The following UTRN variants were observed in gnomAD, a reference collection of about 807,000 sequenced individuals.
UTRN encodes the protein utrophin, also known as dystrophin-related protein 1.
In UTRN, 283 loss-of-function variants were observed where a neutral mutation model predicts 463.9. The observed-to-expected ratio is 0.61, with a 90% confidence interval of 0.55 to 0.67. UTRN has a LOEUF of 0.67. UTRN is among the 30% of genes least tolerant of loss of function. The pLI is 0.00. For missense variants in UTRN, 3,922 were observed against 4,084.3 expected (o/e 0.96, Z 1.08); for synonymous variants, 1,442 against 1,431.5 (o/e 1.01, Z -0.17).
intron 50 of UTRN, among the ~76,000 whole-genome samples, chr6:144,561,251 ATATATATATACAT>A: frequency 1.0e-5 from 1 of 97,758 alleles, no homozygotes; most frequent in Non-Finnish European, 2.3e-5. Flanking sequence ...ATATATATAT[ATATATATATACAT>A]ACACACACAC....
At chr6:144,545,944 C>T (rs142769191) in intron 46 of UTRN, among the ~76,000 whole-genome samples, 108 of 152,268 alleles carry the variant, frequency 7.1e-4, no homozygotes, top group African/African-American at 2.5e-3. Context: ...CGCCTGAACC[C>T]AGGAGGTGGA....
In UTRN at chr6:144,484,047, G is replaced by A. The variant is rs113418477; in HGVS notation, c.3688-1338G>A. Among the ~76,000 whole-genome samples the A allele has an allele frequency of 7.9e-3, 1,204 of 152,270 alleles. 13 individuals are homozygous for A. Among genetic ancestry groups the A allele is most frequent in the African/African-American group, 0.027 (1,141 of 41,546 alleles). The stretch of plus-strand genomic sequence containing the variant: ...TCATTCAGTACATTCAAGACGACAA[G>A]CCCAGGAGGCATCCAGCTGAGTTCT... On this transcript the variant is annotated intron_variant, in intron 27 of 74. Coordinates refer to ENST00000367545, the MANE Select transcript of UTRN (RefSeq NM_007124.3).
intron 52 of UTRN, among the ~76,000 whole-genome samples, chr6:144,684,856 T>C: frequency 6.6e-6 from 1 of 152,282 alleles, no homozygotes; most frequent in East Asian, 1.9e-4. Context: ...ATTTTTTACT[T>C]ATTTATTTTT....
At chr6:144,302,264 A>G (rs955153531) in intron 2 of UTRN, among the ~76,000 whole-genome samples, 1 of 152,074 alleles carries the variant, frequency 6.6e-6, no homozygotes, top group Non-Finnish European at 1.5e-5. Flanking sequence ...TAATCCCAGC[A>G]CTTTGGGAGG....
chr6:144,494,344 C>T (rs996539411), intron 33 of UTRN, among the ~76,000 whole-genome samples: 2 of 151,932 alleles, frequency 1.3e-5, no homozygotes, highest in African/African-American at 2.4e-5. Flanking sequence ...CTTAAGGCAG[C>T]GCATCTGGAG....
intron 54 of UTRN, among the ~76,000 whole-genome samples, chr6:144,732,283 C>CATAT (rs1256852716): frequency 0.025 from 3,096 of 123,658 alleles, 145 homozygotes; most frequent in African/African-American, 0.09. Context: ...TATATACACA[C>CATAT]ATATATATAT....
At chr6:144,484,540 TC>T (rs1373032390) in intron 27 of UTRN, among the ~76,000 whole-genome samples, 1 of 149,068 alleles carries the variant, frequency 6.7e-6, no homozygotes, top group Non-Finnish European at 1.5e-5. Context: ...CCTCCCAGGT[TC>T]AAGTGATTCT....
At chr6:144,626,931 T>A (rs1266631679) in intron 51 of UTRN, among the ~76,000 whole-genome samples, 1 of 152,248 alleles carries the variant, frequency 6.6e-6, no homozygotes, top group Non-Finnish European at 1.5e-5. Flanking sequence ...GCGTTTGTGT[T>A]ACCTGCATGT....
chr6:144,561,087 C>G (rs1799821377), intron 50 of UTRN, among the ~76,000 whole-genome samples: 1 of 149,934 alleles, frequency 6.7e-6, no homozygotes. Context: ...TTTTCTAGTG[C>G]CAGTTGAGAT....
chr6:144,292,573 C>A (rs1179203259), intron 2 of UTRN, among the ~76,000 whole-genome samples: 2 of 152,154 alleles, frequency 1.3e-5, no homozygotes, highest in Non-Finnish European at 2.9e-5. Flanking sequence ...GATGCATTGG[C>A]TCCATTCCAG....
chr6:144,589,048 T>C lies in UTRN; in HGVS notation c.7479+11760T>C, dbSNP rs149033297. Among the ~76,000 whole-genome samples the C allele has an allele frequency of 2.7e-3, 409 of 152,360 alleles. 3 individuals carry two copies. The highest frequency in any genetic ancestry group is 9.0e-3 in the African/African-American group (376 of 41,586). ...AAGATTAATTTATAACAAAGCTCAC[T>C]TATAAAAGCAGACAGTGCCTTTTAG... On this transcript the variant is annotated intron_variant, in intron 51 of 74. Transcript: ENST00000367545.
rs1793228244 is a variant in UTRN, at chr6:144,493,151, C to T, written c.4438-150C>T. ...CAAGCTTGATTTCATTTGACTCGAC[C>T]TTCAGACCAAATCTGAGAAAGATGA... On this transcript the variant is annotated intron_variant, in intron 32 of 74. Coordinates refer to ENST00000367545, the MANE Select transcript of UTRN (RefSeq NM_007124.3). The T allele has an allele frequency of 5.1e-5, 32 of 624,966 alleles. No homozygotes were observed. In the South Asian group the frequency reaches 1.1e-3, roughly 21 times the overall value. 38.7% of individuals were successfully genotyped at this position (624,966 alleles called of 1,614,324 possible). A position where few individuals can be genotyped will look rare whatever the true frequency, so the allele number is the denominator to read the frequency against.
intron 51 of UTRN, among the ~76,000 whole-genome samples, chr6:144,593,785 A>T (rs1406425658): frequency 6.6e-6 from 1 of 152,226 alleles, no homozygotes; most frequent in Non-Finnish European, 1.5e-5. Context: ...TTAATAAAAA[A>T]GTTGCCCTTT....
At chr6:144,475,493 G>C (rs1032503311) in intron 25 of UTRN, among the ~76,000 whole-genome samples, 5 of 152,158 alleles carry the variant, frequency 3.3e-5, no homozygotes, top group African/African-American at 1.2e-4. Context: ...GATTAGCTAT[G>C]GCCTTGGAGG....
intron 39 of UTRN, among the ~76,000 whole-genome samples, chr6:144,520,398 T>C (rs1795983588): frequency 6.6e-6 from 1 of 152,224 alleles, no homozygotes; most frequent in Non-Finnish European, 1.5e-5. Flanking sequence ...TTCAGCATTC[T>C]TTTATATTTG....
chr6:144,335,886 T>G (rs9496935), intron 2 of UTRN, among the ~76,000 whole-genome samples: 23,568 of 151,992 alleles, frequency 0.16, 5,592 homozygotes, highest in African/African-American at 0.51. Context: ...TGAACACCTA[T>G]ATTCTTCATT....
intron 2 of UTRN, among the ~76,000 whole-genome samples, chr6:144,298,457 T>C (rs934455603): frequency 1.8e-4 from 28 of 152,152 alleles, no homozygotes; most frequent in Admixed American, 2.0e-4. Context: ...CCTGTGGGGC[T>C]CTTCTATCAG....
chr6:144,476,427 G>T (rs1239290304), intron 25 of UTRN, among the ~76,000 whole-genome samples: 1 of 152,052 alleles, frequency 6.6e-6, no homozygotes, highest in Non-Finnish European at 1.5e-5. Context: ...ATAAAGAAGA[G>T]ACCTAAGGAA....
intron 2 of UTRN, among the ~76,000 whole-genome samples, chr6:144,402,885 A>T (rs1274158567): frequency 6.6e-6 from 1 of 152,128 alleles, no homozygotes; most frequent in East Asian, 1.9e-4. Flanking sequence ...GTTTAGGGTG[A>T]GACAACCTGG....
Sources: gnomAD v4.1 joint callset for allele counts (sites outside exome capture counted in the v4.1 genomes callset) on GRCh38, gnomAD v4.1.1 for gene constraint, MANE v1.5 for transcripts, NCBI Gene and HGNC (gene_info 2026-07-23, HGNC 2026-07-21) for gene names.